Variants in TEX11 observed in about 807,000 individuals in gnomAD.
The protein encoded by TEX11 is testis-expressed protein 11.
Under a neutral mutation model 84.4 loss-of-function variants are expected in TEX11, and 7 were observed. The observed-to-expected ratio is 0.08, with a 90% CI of 0.05 to 0.16. The LOEUF (loss-of-function observed/expected upper bound fraction) is 0.16. Among genes scored for constraint, TEX11 ranks in the 10% least tolerant of loss-of-function variants. TEX11 has a pLI of 1.00. For missense variants in TEX11, 551 were observed against 660.5 expected, an observed-to-expected ratio of 0.83 and a Z score of 1.82; for synonymous variants, 264 against 222.8, an observed-to-expected ratio of 1.18 and a Z score of -1.64.
Position 70,717,846 on chromosome X carries a change from A to G in TEX11, c.1004+4772T>C, listed in dbSNP as rs202213046. Among the ~76,000 whole-genome samples the G allele has an allele frequency of 5.3e-5, 6 of 112,432 alleles. No individual in the cohort carries two copies. The East Asian group carries it at 1.7e-3, about 31-fold the overall frequency. ...ACTGCCAGATATGTAATTAAACTTT[A>G]TCATTAACCGAACGATGGTATAAGC... On this transcript the variant is annotated intron_variant, in intron 13 of 29. Coordinates refer to ENST00000374333, the MANE Select transcript of TEX11 (RefSeq NM_031276.3).
At chrX:70,727,156 T>C (rs983935783) in intron 11 of TEX11, among the ~76,000 whole-genome samples, 1 of 111,519 alleles carries the variant, frequency 9.0e-6, no homozygotes, top group Non-Finnish European at 1.9e-5. Context: ...AACTGGTAAG[T>C]AGTAGAGCTG....
chrX:70,567,914 A>C (rs1300571879), intron 25 of TEX11, among the ~76,000 whole-genome samples: 2 of 111,625 alleles, frequency 1.8e-5, no homozygotes, highest in African/African-American at 6.5e-5. Flanking sequence ...GTAGATGTCT[A>C]TTAGGTCCAC....
At chrX:70,747,228 A>G (rs2090774085) in intron 9 of TEX11, among the ~76,000 whole-genome samples, 1 of 112,212 alleles carries the variant, frequency 8.9e-6, no homozygotes, top group Admixed American at 9.5e-5. Flanking sequence ...GGATGAAAAA[A>G]TCTAACTGGC....
At chrX:70,667,656 G>A (rs1165954283) in intron 16 of TEX11, among the ~76,000 whole-genome samples, 3 of 111,949 alleles carry the variant, frequency 2.7e-5, no homozygotes, top group Non-Finnish European at 5.6e-5. Context: ...GGCCGGGCGC[G>A]GTGGCTCACG....
intron 25 of TEX11, among the ~76,000 whole-genome samples, chrX:70,572,528 G>T (rs2088615239): frequency 9.0e-6 from 1 of 110,873 alleles, no homozygotes; most frequent in African/African-American, 3.3e-5. Flanking sequence ...TTTAAATCAT[G>T]CTGCTATAAA....
rs1204308701 is a variant in TEX11 at position 70,785,095 on chromosome X, A to G, written c.692+21610T>C. On this transcript the variant is annotated intron_variant, in intron 9 of 29. Transcript: ENST00000374333. ...CAAACTATACTACAAGTCTACAGTA[A>G]CCAAAACAGCATGACACTGGTACTA... is the stretch of plus-strand genomic sequence containing the variant. Among the ~76,000 whole-genome samples the G allele has an allele frequency of 1.8e-5, 2 of 112,198 alleles. 1 individual carries two copies. Among genetic ancestry groups the G allele is most frequent in the Non-Finnish European group, 3.8e-5 (2 of 53,261 alleles).
chrX:70,557,685 T>C (rs1446582836), intron 25 of TEX11, among the ~76,000 whole-genome samples: 3 of 111,795 alleles, frequency 2.7e-5, no homozygotes, highest in African/African-American at 9.7e-5. Flanking sequence ...AAATTATCTA[T>C]AGATTCAACA....
intron 25 of TEX11, among the ~76,000 whole-genome samples, chrX:70,588,485 G>A (rs1242820740): frequency 2.7e-5 from 3 of 111,289 alleles, no homozygotes; most frequent in African/African-American, 9.8e-5. Flanking sequence ...TGTGAAGAAG[G>A]TGCCTTGCTT....
chrX:70,853,301 A>G lies in TEX11; in HGVS notation c.352T>C (p.Leu118=). Reference sequence around the variant, plus strand: ...GCGATTAGAAAATTTCCAGCATCCAACCATTCTTTTCCTATTCTCATATTC... The same window carrying G: ...GCGATTAGAAAATTTCCAGCATCCAGCCATTCTTTTCCTATTCTCATATTC... ...MMNMRIGKEW[L]DAGNFLIADE... The change falls in exon 6 of 30, where the codon TTG becomes CTG. Residue 118 remains leucine (L), a synonymous_variant. Coordinates refer to ENST00000374333, the MANE Select transcript of TEX11 (RefSeq NM_031276.3). The G allele has an allele frequency of 8.3e-7, 1 of 1,205,793 alleles. No homozygotes were observed. The highest frequency in any genetic ancestry group is 1.1e-6 in the Non-Finnish European group (1 of 890,475).
intron 25 of TEX11, among the ~76,000 whole-genome samples, chrX:70,565,254 T>G (rs2088447219): frequency 9.0e-6 from 1 of 110,522 alleles, no homozygotes; most frequent in Non-Finnish European, 1.9e-5. Flanking sequence ...GATGGGGTTT[T>G]TTTTTTTCTT....
Position 70,621,583 on chromosome X carries a change from A to T in TEX11, c.1751+2367T>A, listed in dbSNP as rs1427563822. Among the ~76,000 whole-genome samples, 731 of 73,599 alleles carry T rather than the reference A, an allele frequency of 9.9e-3. 13 individuals are homozygous for T. Among genetic ancestry groups the T allele is most frequent in the African/African-American group, 0.016 (297 of 19,141 alleles). The allele number at this position is 73,599 out of a possible 115,157, so 63.9% of individuals were successfully genotyped here. A position where few individuals can be genotyped will look rare whatever the true frequency, so the allele number is the denominator to read the frequency against. ...ATATATATATATATATATATAAATA[A>T]AAATAAAATATTAAACTTAAAAAAT... On this transcript the variant is annotated intron_variant, in intron 20 of 29. Coordinates refer to ENST00000374333, the MANE Select transcript of TEX11 (RefSeq NM_031276.3).
chrX:70,755,051 A>G (rs1336413913), intron 9 of TEX11, among the ~76,000 whole-genome samples: 1 of 111,901 alleles, frequency 8.9e-6, no homozygotes, highest in African/African-American at 3.2e-5. Flanking sequence ...TAAATACCTA[A>G]CACTAAAATG....
At chrX:70,888,971 A>G (rs919796325) in intron 2 of TEX11, among the ~76,000 whole-genome samples, 1 of 111,439 alleles carries the variant, frequency 9.0e-6, no homozygotes, top group African/African-American at 3.3e-5. Flanking sequence ...ACCCTAGAAT[A>G]GTATATCCAG....
intron 28 of TEX11, among the ~76,000 whole-genome samples, chrX:70,542,268 T>C (rs2088055559): frequency 9.0e-6 from 1 of 111,289 alleles, no homozygotes; most frequent in Non-Finnish European, 1.9e-5. Context: ...CCATGTGAGC[T>C]TACAGTCAGA....
At chrX:70,732,882 C>T (rs1280496701) in intron 11 of TEX11, among the ~76,000 whole-genome samples, 2 of 111,920 alleles carry the variant, frequency 1.8e-5, no homozygotes, top group Non-Finnish European at 3.8e-5. Flanking sequence ...GGAAGCATCA[C>T]GCTACCTGAC....
At chrX:70,731,279 C>G (rs1354403584) in intron 11 of TEX11, among the ~76,000 whole-genome samples, 1 of 111,263 alleles carries the variant, frequency 9.0e-6, no homozygotes, top group East Asian at 2.8e-4. Flanking sequence ...CAAAAGCTAA[C>G]AGAAGGCAAG....
chrX:70,890,609 A>G (rs1165867467), intron 2 of TEX11, among the ~76,000 whole-genome samples: 2 of 112,604 alleles, frequency 1.8e-5, no homozygotes, highest in Non-Finnish European at 3.8e-5. Context: ...CTGCTAGGGC[A>G]GCAGTTTGAG....
At chrX:70,663,146 A>G (rs952456542) in intron 16 of TEX11, among the ~76,000 whole-genome samples, 1 of 111,801 alleles carries the variant, frequency 8.9e-6, no homozygotes, top group African/African-American at 3.2e-5. Flanking sequence ...CTGATATTTC[A>G]GAAAAATGTG....
At chrX:70,561,388 CT>C (rs34112390) in intron 25 of TEX11, among the ~76,000 whole-genome samples, 13,636 of 78,418 alleles carry the variant, frequency 0.17, 1,020 homozygotes, top group African/African-American at 0.32. Flanking sequence ...TATCAATTTA[CT>C]TTTTTTTTTT....
Sources: allele counts gnomAD v4.1 joint callset (sites outside exome capture counted in the v4.1 genomes callset), GRCh38; gene constraint gnomAD v4.1.1; transcripts MANE v1.5; gene names NCBI Gene and HGNC (gene_info 2026-07-23, HGNC 2026-07-21).